Variants in SHC4 observed in about 807,000 individuals in gnomAD.
SHC4 encodes SHC adaptor protein 4, also known as SHC-transforming protein 4.
SHC4 carries 41 observed loss-of-function variants against 69.4 expected under a neutral mutation model. That is an observed-to-expected ratio of 0.59 (90% confidence interval 0.46 to 0.77). The LOEUF (loss-of-function observed/expected upper bound fraction) is 0.77, where lower values mean the gene tolerates loss of function less well. Among genes scored for constraint, SHC4 ranks in the 30% least tolerant of loss-of-function variants. The pLI is 0.00. For synonymous variants in SHC4, 318 were observed against 299.3 expected (o/e 1.06, Z -0.64); for missense variants, 777 against 783.8 (o/e 0.99, Z 0.10).
At chr15:48,849,236 T>C (rs1365745670) in intron 9 of SHC4, among the ~76,000 whole-genome samples, 1 of 152,114 alleles carries the variant, frequency 6.6e-6, no homozygotes. Flanking sequence ...TCCCCTGCTC[T>C]CTCTCCCTCT....
intron 1 of SHC4, among the ~76,000 whole-genome samples, chr15:48,958,346 A>G (rs1406920534): frequency 1.3e-5 from 2 of 152,188 alleles, no homozygotes; most frequent in Non-Finnish European, 2.9e-5. Flanking sequence ...GTGGAGGAAC[A>G]TTGGAGTGAG....
intron 1 of SHC4, 25 bp from the exon 2 acceptor site, chr15:48,924,974 G>A (rs1900824481): frequency 6.2e-7 from 1 of 1,612,692 alleles, no homozygotes; most frequent in Non-Finnish European, 8.5e-7. Context: ...AAAAAAAGAA[G>A]AAGTAGGACA....
At chr15:48,848,435 G>A (rs1414247184) in intron 9 of SHC4, among the ~76,000 whole-genome samples, 2 of 152,130 alleles carry the variant, frequency 1.3e-5, no homozygotes, top group Non-Finnish European at 2.9e-5. Flanking sequence ...TTAACAAAGG[G>A]AGTATCCAAT....
At chr15:48,888,034 G>A (rs1008793607) in intron 3 of SHC4, among the ~76,000 whole-genome samples, 3 of 152,162 alleles carry the variant, frequency 2.0e-5, no homozygotes, top group African/African-American at 7.2e-5. Flanking sequence ...AAATGATACA[G>A]CTGCTGTAGA....
intron 2 of SHC4, among the ~76,000 whole-genome samples, chr15:48,920,816 G>A (rs1244051261): frequency 2.6e-5 from 4 of 152,038 alleles, no homozygotes; most frequent in Non-Finnish European, 5.9e-5. Flanking sequence ...AGGCATGGTG[G>A]ATCATGCCTG....
chr15:48,958,048 G>C (rs908308774), intron 1 of SHC4, among the ~76,000 whole-genome samples: 1 of 152,192 alleles, frequency 6.6e-6, no homozygotes, highest in Non-Finnish European at 1.5e-5. Flanking sequence ...GATTTCAGAC[G>C]TCCAGCCTCA....
intron 1 of SHC4, among the ~76,000 whole-genome samples, chr15:48,935,188 A>G (rs1194516463): frequency 1.3e-5 from 2 of 152,230 alleles, no homozygotes; most frequent in African/African-American, 4.8e-5. Context: ...TTCAGGAAAT[A>G]TGTATGAATG....
intron 9 of SHC4, among the ~76,000 whole-genome samples, chr15:48,844,272 G>A (rs1953783755): frequency 6.6e-6 from 1 of 152,006 alleles, no homozygotes; most frequent in African/African-American, 2.4e-5. Flanking sequence ...TCTACACATT[G>A]TAGCCCAAAT....
chr15:48,863,106 T>A lies in SHC4; in HGVS notation c.946+4712A>T, dbSNP rs936342231. On this transcript the variant is annotated intron_variant, in intron 6 of 11. Transcript: ENST00000332408. Reference sequence around the variant, plus strand: ...TTATAACATCAGCTTTCTGATTTCATTATTTTAAAACATTTATTCAAAGGT... The same window carrying A: ...TTATAACATCAGCTTTCTGATTTCAATATTTTAAAACATTTATTCAAAGGT... Among the ~76,000 whole-genome samples the A allele has an allele frequency of 4.6e-5, 7 of 151,116 alleles. 1 individual carries two copies. Among genetic ancestry groups the A allele is most frequent in the Admixed American group, 4.0e-4 (6 of 15,108 alleles).
chr15:48,832,696 G>A (rs1319474927), intron 11 of SHC4, among the ~76,000 whole-genome samples: 1 of 151,930 alleles, frequency 6.6e-6, no homozygotes. Flanking sequence ...CTGCTTGATG[G>A]TGTATCACAA....
intron 1 of SHC4, among the ~76,000 whole-genome samples, chr15:48,932,883 A>G (rs1335559918): frequency 6.6e-6 from 1 of 152,172 alleles, no homozygotes; most frequent in Non-Finnish European, 1.5e-5. Context: ...GCCTGGATCA[A>G]CAATATTCTT....
chr15:48,892,575 T>G (rs1900155331), intron 2 of SHC4, among the ~76,000 whole-genome samples: 1 of 152,150 alleles, frequency 6.6e-6, no homozygotes. Flanking sequence ...TTAATCCAAA[T>G]TGGCACTGAT....
chr15:48,840,340 T>C (rs1205887018), intron 10 of SHC4, among the ~76,000 whole-genome samples: 1 of 152,156 alleles, frequency 6.6e-6, no homozygotes, highest in Non-Finnish European at 1.5e-5. Flanking sequence ...CTTTCTGCCA[T>C]GTTTGGTGAG....
chr15:48,941,019 C>A (rs978706309), intron 1 of SHC4, among the ~76,000 whole-genome samples: 1 of 152,170 alleles, frequency 6.6e-6, no homozygotes, highest in East Asian at 1.9e-4. Context: ...GATAATATGA[C>A]TAAAAGCACA....
intron 10 of SHC4, among the ~76,000 whole-genome samples, chr15:48,838,534 G>C (rs1013506556): frequency 1.3e-5 from 2 of 152,152 alleles, no homozygotes; most frequent in Non-Finnish European, 2.9e-5. Context: ...GGTAGAAAAA[G>C]ATGTTAACAT....
intron 1 of SHC4, among the ~76,000 whole-genome samples, chr15:48,955,877 A>G (rs1901445032): frequency 1.3e-5 from 2 of 152,216 alleles, no homozygotes. Context: ...TCTGGGCTCC[A>G]CCACTGGTAG....
intron 2 of SHC4, among the ~76,000 whole-genome samples, chr15:48,897,925 T>C (rs1356448740): frequency 6.6e-6 from 1 of 152,224 alleles, no homozygotes; most frequent in Non-Finnish European, 1.5e-5. Context: ...TCACCTGCGT[T>C]TCCCAAAGGT....
intron 5 of SHC4, among the ~76,000 whole-genome samples, chr15:48,870,208 G>A (rs1899642396): frequency 6.6e-6 from 1 of 152,226 alleles, no homozygotes; most frequent in South Asian, 2.1e-4. Flanking sequence ...AGAAGAGAAA[G>A]TGCTGGTATT....
At chr15:48,872,728 T>C (rs1490360526) in intron 4 of SHC4, among the ~76,000 whole-genome samples, 1 of 152,240 alleles carries the variant, frequency 6.6e-6, no homozygotes, top group African/African-American at 2.4e-5. Context: ...AAATGTATCC[T>C]GAGTAAGGCA....
Sources: allele counts gnomAD v4.1 joint callset (sites outside exome capture counted in the v4.1 genomes callset), GRCh38; gene constraint gnomAD v4.1.1; transcripts MANE v1.5; gene names NCBI Gene and HGNC (gene_info 2026-07-23, HGNC 2026-07-21).